PUF60: variants seen among roughly 807,000 people sequenced by gnomAD.
The protein encoded by PUF60 is poly(U) binding splicing factor 60, also known as poly(U)-binding-splicing factor PUF60.
Under a neutral mutation model 61.8 loss-of-function variants are expected in PUF60, and 10 were observed. That is an observed-to-expected ratio of 0.16 (90% CI 0.10 to 0.27). The LOEUF (loss-of-function observed/expected upper bound fraction) is 0.27. PUF60 is among the 10% of genes least tolerant of loss of function. The pLI, the probability that PUF60 is intolerant of heterozygous loss-of-function variation, is 1.00. For missense variants in PUF60, 371 were observed against 754.0 expected, an observed-to-expected ratio of 0.49 and a Z score of 5.95; for synonymous variants, 353 against 300.9, an observed-to-expected ratio of 1.17 and a Z score of -1.79.
In PUF60 at chr8:143,817,134, C is replaced by T. The variant is rs1816420115; in HGVS notation, c.1156G>A (p.Ala386Thr). The change falls in exon 11 of 12, where the codon GCC becomes ACC. Residue 386 changes from alanine to threonine, a missense_variant. By Grantham distance (58) the Ala-to-Thr change is moderately conservative (BLOSUM62 0). Transcript: ENST00000526683. This position sits in a 1 kb window ranked among gnomAD's most constrained non-coding sequence, Gnocchi z 7.4. ...ATGGTGACCGGGATAGGAGGACGGG[C>T]TGGGGTCACACCTGCAGGAAAACCA... ...APGVITGVTP[A>T]RPPIPVTIPS... The T allele has an allele frequency of 6.2e-7, 1 of 1,602,596 alleles. No individual in the cohort carries two copies. The highest frequency in any genetic ancestry group is 1.3e-5 in the African/African-American group (1 of 74,676).
chr8:143,826,440 C>T (rs560504107), intron 1 of PUF60, among the ~76,000 whole-genome samples: 1 of 152,182 alleles, frequency 6.6e-6, no homozygotes, highest in East Asian at 1.9e-4. Flanking sequence ...TGTGGCCAGA[C>T]GCAGTGGCTC....
At chr8:143,824,437 C>A in intron 1 of PUF60, 38 bp from the exon 2 acceptor site, 1 of 1,595,104 alleles carries the variant, frequency 6.3e-7, no homozygotes. Context: ...GACAGGCACA[C>A]CACCCCACCG....
chr8:143,824,491 G>C (rs1322939188), intron 1 of PUF60, 92 bp from the exon 2 acceptor site: 3 of 1,345,074 alleles, frequency 2.2e-6, no homozygotes, highest in South Asian at 1.3e-5. Flanking sequence ...AGCTCCTCAC[G>C]GATAAGCAAG....
chr8:143,827,919 T>C lies in PUF60; in HGVS notation c.24+1361A>G, dbSNP rs1310873806. Among the ~76,000 whole-genome samples, 3 of 152,112 alleles carry C rather than the reference T, an allele frequency of 2.0e-5. No individual in the cohort carries two copies. In the East Asian group the frequency reaches 5.8e-4, roughly 29 times the overall value. ...TAGGGGAGTCAGGCATCCACTCTCC[T>C]CCTCCACCTTCCCATGTCCAGTCCT... On this transcript the variant is annotated intron_variant, in intron 1 of 11. Transcript: ENST00000526683.
chr8:143,822,410 C>A, intron 2 of PUF60: 1 of 437,234 alleles, frequency 2.3e-6, no homozygotes, highest in Non-Finnish European at 4.7e-6. Flanking sequence ...TTTCAAGGGG[C>A]CCACCCAAGG....
intron 1 of PUF60, among the ~76,000 whole-genome samples, chr8:143,828,082 G>A (rs1434310651): frequency 6.6e-6 from 1 of 152,244 alleles, no homozygotes; most frequent in African/African-American, 2.4e-5. Flanking sequence ...TCAAGAGAAA[G>A]GACATAGTAG....
At position 143,818,690 on chromosome 8, in the gene PUF60, T is replaced by TG; in HGVS notation, c.349-157dup. The stretch of plus-strand genomic sequence containing the variant: ...GGGCTCCATCCCTGCAGTCATAGTG[T>TG]GGGGGTCGCAGGACCCCGCCACCCA... On this transcript the variant is annotated intron_variant, in intron 5 of 11. Coordinates refer to ENST00000526683, the MANE Select transcript of PUF60 (RefSeq NM_078480.3). The surrounding 1 kb of genome is among the most constrained non-coding windows in gnomAD (Gnocchi z 7.9). The TG allele has an allele frequency of 3.6e-6, 3 of 823,252 alleles. No individual in the cohort carries two copies. The highest frequency in any genetic ancestry group is 5.5e-6 in the Non-Finnish European group (3 of 545,220). 51.0% of individuals were successfully genotyped at this position (823,252 alleles called of 1,614,324 possible). A position where few individuals can be genotyped will look rare whatever the true frequency, so the allele number is the denominator to read the frequency against.
rs1245105309 is a variant in PUF60, at chr8:143,824,369, CG to C, written c.54del (p.Glu19SerfsTer41). The C allele has an allele frequency of 6.2e-7, 1 of 1,612,512 alleles. No homozygotes were observed. Among genetic ancestry groups the C allele is most frequent in the Non-Finnish European group, 8.5e-7 (1 of 1,179,764 alleles). Reference protein sequence around the residue: ...LQVNGQQGGGSEPAAAAAVVA... With the variant: ...LQVNGQQGGGXEPAAAAAVVA... ...ACCACTGCCGCCGCCGCCGCCGGCTCGGACCCCCCTCCTTGCTGGCCATTGA... is the reference window on the plus strand; with the variant it reads ...ACCACTGCCGCCGCCGCCGCCGGCTCGACCCCCCTCCTTGCTGGCCATTGA... On this transcript the variant is annotated frameshift_variant, in exon 2 of 12. Transcript: ENST00000526683. LOFTEE classifies it high-confidence loss of function.
chr8:143,819,350 A>G (rs1816750551), intron 5 of PUF60, among the ~76,000 whole-genome samples: 1 of 152,038 alleles, frequency 6.6e-6, no homozygotes, highest in African/African-American at 2.4e-5. Context: ...ACCCTCAGGG[A>G]CGGGTTCTCG....
chr8:143,821,033 G>T (rs373924892), intron 4 of PUF60, among the ~76,000 whole-genome samples: 1 of 152,224 alleles, frequency 6.6e-6, no homozygotes, highest in Admixed American at 6.5e-5. Context: ...GGCTGGGCGG[G>T]GGGGCGTGAG....
chr8:143,821,756 C>A lies in PUF60; in HGVS notation c.207+62G>T. 1.9e-6 allele frequency: 3 copies of A among 1,554,244 alleles called. No individual in the cohort carries two copies. The Admixed American group carries it at 5.7e-5, about 29-fold the overall frequency. ...GAGACAGGCCTGCCCCGCACCCCGC[C>A]CCTGCCCCTGCCCCCAGTTGACTGT... On this transcript the variant is annotated intron_variant, in intron 3 of 11. Coordinates refer to ENST00000526683, the MANE Select transcript of PUF60 (RefSeq NM_078480.3).
At chr8:143,827,041 C>A (rs1476080517) in intron 1 of PUF60, 4 of 293,142 alleles carry the variant, frequency 1.4e-5, no homozygotes, top group Non-Finnish European at 2.7e-5. Flanking sequence ...CGTGCCCAGG[C>A]TCCACAGTGA....
At chr8:143,822,268 C>G (rs1415997812) in intron 2 of PUF60, among the ~76,000 whole-genome samples, 1 of 152,304 alleles carries the variant, frequency 6.6e-6, no homozygotes, top group East Asian at 1.9e-4. Context: ...GGCAGGAGAG[C>G]CAGCCTCAGC....
At chr8:143,827,661 G>A (rs981441053) in intron 1 of PUF60, 1 of 335,384 alleles carries the variant, frequency 3.0e-6, no homozygotes, top group African/African-American at 2.2e-5. Context: ...TAGACCACAG[G>A]CTACAGCTCA....
chr8:143,828,980 G>T, intron 1 of PUF60: 1 of 991,236 alleles, frequency 1.0e-6, no homozygotes, highest in Non-Finnish European at 1.2e-6. Flanking sequence ...CCCGCTTGCC[G>T]GACCTAGCGG....
At position 143,817,999 on chromosome 8, in the gene PUF60, C is replaced by T. The variant is rs1361458345; in HGVS notation, c.680G>A (p.Arg227His). 1.2e-6 allele frequency: 2 copies of T among 1,612,848 alleles called. No homozygotes were observed. The highest frequency in any genetic ancestry group is 8.5e-7 in the Non-Finnish European group (1 of 1,179,826). The change falls in exon 8 of 12, where the codon CGC (arginine) becomes CAC (histidine). Residue 227 changes from arginine to histidine, a missense_variant. Around this residue, in one of 13 missense-constraint regions of PUF60, gnomAD observed 31 missense variants for 80.6 expected, o/e 0.38. Coordinates refer to ENST00000526683, the MANE Select transcript of PUF60 (RefSeq NM_078480.3). This position sits in a 1 kb window ranked among gnomAD's most constrained non-coding sequence, Gnocchi z 7.4. ...CTGGTGCACAGAGGCCACGTAGATG[C>T]GGTTGAAGGCCCGTGCCTCCTCAGC... ...QLAEEARAFN[R>H]IYVASVHQDL...
chr8:143,822,107 A>C (rs1817088579), intron 2 of PUF60, among the ~76,000 whole-genome samples, 194 bp from the exon 3 acceptor site: 1 of 152,120 alleles, frequency 6.6e-6, no homozygotes, highest in African/African-American at 2.4e-5. Context: ...TGAGGCAGGC[A>C]GGTGCCCTGG....
rs778676095 is a variant in PUF60, at chr8:143,816,958, G to C, written c.1332C>G (p.Gly444=). ...GCATCACCATGTGTCGGGCGCTACT[G>C]CCCGAGATGCTCATGTGCTCCTGCT... is the stretch of plus-strand genomic sequence containing the variant. ...LSEQEHMSIS[G]SSARHMVMQK... is the part of the protein sequence containing the mutation. Residue 444 remains glycine, a synonymous_variant, in exon 11 of 12, where the codon GGC becomes GGG. Transcript: ENST00000526683. 6.3e-7 allele frequency: 1 copy of C among 1,597,730 alleles called. No homozygotes were observed. Among genetic ancestry groups the C allele is most frequent in the Non-Finnish European group, 8.5e-7 (1 of 1,172,824 alleles).
At position 143,821,212 on chromosome 8, in the gene PUF60, T is replaced by C. The variant is rs549470115; in HGVS notation, c.297+385A>G. 774 of 422,690 alleles carry C rather than the reference T, an allele frequency of 1.8e-3. 3 individuals are homozygous for C. The highest frequency in any genetic ancestry group is 0.014 in the African/African-American group (707 of 49,906). The allele number at this position is 422,690 out of a possible 1,614,324, so 26.2% of individuals were successfully genotyped here. A position where few individuals can be genotyped will look rare whatever the true frequency, so the allele number is the denominator to read the frequency against. On this transcript the variant is annotated intron_variant, in intron 4 of 11. Transcript: ENST00000526683. ...TGGACTCACTGCAGGGGTGAGGGCCTGAGCAGTCTTATCCAGGCCACGGGG... is the reference window on the plus strand; with the variant it reads ...TGGACTCACTGCAGGGGTGAGGGCCCGAGCAGTCTTATCCAGGCCACGGGG...
Sources: allele counts gnomAD v4.1 joint callset (sites outside exome capture counted in the v4.1 genomes callset), GRCh38; gene constraint gnomAD v4.1.1; regional missense constraint gnomAD v4.1.1; non-coding constraint Gnocchi (gnomAD v3.1); transcripts MANE v1.5; gene names NCBI Gene and HGNC (gene_info 2026-07-23, HGNC 2026-07-21).